EHBP1: variants seen among roughly 807,000 people sequenced by gnomAD.
The protein encoded by EHBP1 is EH domain binding protein 1, also known as EH domain-binding protein 1.
EHBP1 carries 55 observed loss-of-function variants against 144.0 expected under a neutral mutation model. The observed-to-expected ratio is 0.38, with a 90% CI of 0.31 to 0.48. The LOEUF (loss-of-function observed/expected upper bound fraction) is 0.48. EHBP1 is among the 20% of genes least tolerant of loss of function. EHBP1 has a pLI of 0.98. For missense variants in EHBP1, 1,200 were observed against 1,364.2 expected (o/e 0.88, Z 1.90); for synonymous variants, 469 against 472.7 (o/e 0.99, Z 0.10).
intron 7 of EHBP1, among the ~76,000 whole-genome samples, chr2:62,836,888 G>C (rs2047306495): frequency 6.6e-6 from 1 of 150,944 alleles, no homozygotes; most frequent in Non-Finnish European, 1.5e-5. Context: ...GTGATGGGGA[G>C]AATGGAACCA....
intron 2 of EHBP1, among the ~76,000 whole-genome samples, chr2:62,737,185 T>C (rs775887582): frequency 2.0e-5 from 3 of 152,166 alleles, no homozygotes; most frequent in Non-Finnish European, 2.9e-5. Flanking sequence ...GTTAAACAGT[T>C]TCTCTTGTCT....
chr2:62,692,135 G>A (rs1003528527), intron 1 of EHBP1, among the ~76,000 whole-genome samples: 4 of 152,154 alleles, frequency 2.6e-5, no homozygotes, highest in Non-Finnish European at 5.9e-5. Context: ...CATACAATAT[G>A]TGTCTTTTGC....
chr2:62,730,773 A>AT (rs571169283), intron 2 of EHBP1, among the ~76,000 whole-genome samples: 258 of 104,912 alleles, frequency 2.5e-3, no homozygotes, highest in African/African-American at 9.0e-3. Context: ...GAGACAGACA[A>AT]AGAGACAGAC....
intron 14 of EHBP1, among the ~76,000 whole-genome samples, chr2:62,970,058 T>C (rs2058426468): frequency 1.3e-5 from 2 of 151,998 alleles, no homozygotes; most frequent in Admixed American, 6.6e-5. Flanking sequence ...GGGCACACTT[T>C]GGTAATCCTT....
At chr2:62,786,402 A>G (rs746316417) in intron 5 of EHBP1, among the ~76,000 whole-genome samples, 10 of 152,156 alleles carry the variant, frequency 6.6e-5, no homozygotes, top group African/African-American at 1.9e-4. Flanking sequence ...GCCTTGCCAC[A>G]TAGTGTTACT....
chr2:62,892,124 A>G (rs2052508749), intron 10 of EHBP1, among the ~76,000 whole-genome samples: 1 of 152,182 alleles, frequency 6.6e-6, no homozygotes, highest in Non-Finnish European at 1.5e-5. Flanking sequence ...GTTTATCTGC[A>G]TTTACATCAC....
chr2:62,934,565 A>G (rs1322608916), intron 10 of EHBP1, among the ~76,000 whole-genome samples: 3 of 152,210 alleles, frequency 2.0e-5, no homozygotes, highest in Non-Finnish European at 2.9e-5. Flanking sequence ...AGCATCAGGT[A>G]TGCTAGGCCA....
At chr2:62,957,431 G>T (rs551490657) in intron 14 of EHBP1, among the ~76,000 whole-genome samples, 18 of 152,118 alleles carry the variant, frequency 1.2e-4, no homozygotes, top group Middle Eastern at 6.8e-3. Flanking sequence ...CTTTCCATTT[G>T]TGACAGATTA....
chr2:62,806,567 T>C (rs1461055417), intron 5 of EHBP1, among the ~76,000 whole-genome samples: 1 of 152,086 alleles, frequency 6.6e-6, no homozygotes, highest in Non-Finnish European at 1.5e-5. Flanking sequence ...TCTCTGTATA[T>C]TGCCTAGCTG....
At chr2:62,815,549 A>C (rs2045372601) in intron 5 of EHBP1, among the ~76,000 whole-genome samples, 1 of 152,214 alleles carries the variant, frequency 6.6e-6, no homozygotes, top group Admixed American at 6.5e-5. Context: ...TTGTCCGATT[A>C]CTTGAGCTTT....
chr2:62,801,430 A>G (rs1303000973), intron 5 of EHBP1, among the ~76,000 whole-genome samples: 1 of 152,250 alleles, frequency 6.6e-6, no homozygotes, highest in Non-Finnish European at 1.5e-5. Context: ...AGACATCATG[A>G]CAGGACTGTT....
chr2:62,722,288 C>A (rs1442292559), intron 2 of EHBP1, among the ~76,000 whole-genome samples: 1 of 152,030 alleles, frequency 6.6e-6, no homozygotes, highest in Non-Finnish European at 1.5e-5. Context: ...CATACCACCA[C>A]ACCAGGCTAA....
At chr2:63,007,463 A>C (rs1314767016) in intron 19 of EHBP1, among the ~76,000 whole-genome samples, 1 of 151,802 alleles carries the variant, frequency 6.6e-6, no homozygotes, top group Non-Finnish European at 1.5e-5. Flanking sequence ...GTGTGTGTAT[A>C]AAATATTTGC....
At chr2:62,770,833 A>G (rs534405342) in intron 4 of EHBP1, among the ~76,000 whole-genome samples, 18 of 152,342 alleles carry the variant, frequency 1.2e-4, no homozygotes, top group African/African-American at 4.3e-4. Flanking sequence ...ATAAAAAGGA[A>G]TGAGATCATG....
chr2:62,777,049 A>T (rs1223903960), intron 5 of EHBP1, among the ~76,000 whole-genome samples: 1 of 152,178 alleles, frequency 6.6e-6, no homozygotes, highest in Non-Finnish European at 1.5e-5. Context: ...ATCATGGCTC[A>T]CTGCAACCTT....
At chr2:62,926,295 G>T (rs1428142100) in intron 10 of EHBP1, among the ~76,000 whole-genome samples, 3 of 152,058 alleles carry the variant, frequency 2.0e-5, no homozygotes, top group Non-Finnish European at 4.4e-5. Flanking sequence ...AACACTTCAA[G>T]ACCTCAAACG....
chr2:62,757,298 G>T (rs1558619298), intron 3 of EHBP1, among the ~76,000 whole-genome samples: 1 of 151,082 alleles, frequency 6.6e-6, no homozygotes, highest in East Asian at 1.9e-4. Context: ...CTAATTTTTT[G>T]TTTTTTTGTA....
intron 1 of EHBP1, among the ~76,000 whole-genome samples, chr2:62,680,449 G>A (rs2033472074): frequency 6.6e-6 from 1 of 152,096 alleles, no homozygotes; most frequent in Non-Finnish European, 1.5e-5. Context: ...AACTTATCTT[G>A]CCCTTTCTTG....
At chr2:62,682,433 C>T (rs1366590698) in intron 1 of EHBP1, among the ~76,000 whole-genome samples, 1 of 152,014 alleles carries the variant, frequency 6.6e-6, no homozygotes, top group African/African-American at 2.4e-5. Context: ...GTCATATTTT[C>T]CAATTTATTG....
Sources: gnomAD v4.1 joint callset for allele counts (sites outside exome capture counted in the v4.1 genomes callset) on GRCh38, gnomAD v4.1.1 for gene constraint, MANE v1.5 for transcripts, NCBI Gene and HGNC (gene_info 2026-07-23, HGNC 2026-07-21) for gene names.